The following SNRNP35 variants were observed in gnomAD, a reference collection of about 807,000 sequenced individuals.
SNRNP35 encodes U11/U12 small nuclear ribonucleoprotein 35 kDa protein.
In SNRNP35, 16 loss-of-function variants were observed where a neutral mutation model predicts 24.3. The ratio of observed to expected loss-of-function variants is 0.66; its 90% confidence interval spans 0.45 to 1.00. The LOEUF (loss-of-function observed/expected upper bound fraction) is 1.00. Ranked by LOEUF, SNRNP35 falls within the 50% of genes least tolerant of loss-of-function variation. The pLI, the probability that SNRNP35 is intolerant of heterozygous loss-of-function variation, is 0.00. For synonymous variants in SNRNP35, 106 were observed against 124.8 expected, an observed-to-expected ratio of 0.85 and a Z score of 1.00; for missense variants, 292 against 327.2, an observed-to-expected ratio of 0.89 and a Z score of 0.83.
chr12:123,463,675 C>T (rs1188555687), intron 1 of SNRNP35, among the ~76,000 whole-genome samples: 2 of 152,098 alleles, frequency 1.3e-5, no homozygotes, highest in Non-Finnish European at 2.9e-5. Context: ...GCTGAGATTA[C>T]AGGCGTGAGC....
chr12:123,463,084 A>C (rs1390494759), intron 1 of SNRNP35, among the ~76,000 whole-genome samples: 1 of 152,148 alleles, frequency 6.6e-6, no homozygotes, highest in Non-Finnish European at 1.5e-5. Flanking sequence ...GTTTTGAGAC[A>C]GGGTCTCACT....
exon 2 of SNRNP35, chr12:123,472,709 A>G: frequency 1.9e-6 from 3 of 1,584,420 alleles, no homozygotes; most frequent in Non-Finnish European, 2.6e-6. Flanking sequence ...AAACACAGAA[A>G]TGAGAGCTGA....
Position 123,466,547 on chromosome 12 carries a change from C to A in SNRNP35, c.*266C>A. ...TCTGTACAGAAGGGCATTTTCTTTT[C>A]TTTTCTTTTTTTTTTTTTTGAGACA... On this transcript the variant is annotated 3_prime_UTR_variant, in exon 2 of 2. Coordinates refer to ENST00000526639, the MANE Select transcript of SNRNP35 (RefSeq NM_022717.4). 3.5e-6 allele frequency: 1 copy of A among 288,330 alleles called. No homozygotes were observed. 17.9% of individuals were successfully genotyped at this position (288,330 alleles called of 1,614,324 possible).
At chr12:123,468,715 A>G (rs959552528), downstream of SNRNP35, among the ~76,000 whole-genome samples, 5 of 152,054 alleles carry the variant, frequency 3.3e-5, no homozygotes, top group African/African-American at 1.2e-4. Context: ...AAACTTGCAC[A>G]CTCAGACTCC....
exon 2 of SNRNP35, chr12:123,472,999 G>A: frequency 3.8e-6 from 1 of 264,724 alleles, no homozygotes; most frequent in Non-Finnish European, 7.4e-6. Flanking sequence ...AAAAGCTGCT[G>A]AAACAAATCT....
At chr12:123,467,881 T>G (rs77462061), downstream of SNRNP35, among the ~76,000 whole-genome samples, 3,750 of 152,266 alleles carry the variant, frequency 0.025, 170 homozygotes, top group African/African-American at 0.086. Context: ...CACATTTAAT[T>G]TACAAAGTGT....
At chr12:123,470,488 A>T (rs2139296037), downstream of SNRNP35, 2 of 155,840 alleles carry the variant, frequency 1.3e-5, no homozygotes, top group Admixed American at 1.3e-4. Context: ...AAAAAAAAAA[A>T]AAAAAGGCCA....
At position 123,465,181 on chromosome 12, in the gene SNRNP35, A is replaced by G. The variant is rs554899839; in HGVS notation, c.-3-357A>G. 7.9e-5 allele frequency among the ~76,000 whole-genome samples: 12 copies of G among 152,340 alleles called. No homozygotes were observed. The highest frequency in any genetic ancestry group is 2.6e-4 in the African/African-American group (11 of 41,566). On this transcript the variant is annotated intron_variant, in intron 1 of 1. Coordinates refer to ENST00000526639, the MANE Select transcript of SNRNP35 (RefSeq NM_022717.4). This position sits in a 1 kb window ranked among gnomAD's most constrained non-coding sequence, Gnocchi z 4.2. Reference sequence around the variant, plus strand: ...CTATGATCATTTTAAAGGTTCTGAAAGAGAAGTCTGGTTTTGATCCACGTT... The same window carrying G: ...CTATGATCATTTTAAAGGTTCTGAAGGAGAAGTCTGGTTTTGATCCACGTT...
Position 123,465,615 on chromosome 12 carries a change from C to A in SNRNP35, c.75C>A (p.Asp25Glu). ...KAGSIDGTDE[D>E]PHDRAVWRAM... ...GCAGCATTGATGGCACCGATGAAGA[C>A]CCACACGACCGCGCGGTCTGGAGGG... Residue 25 changes from aspartate (D) to glutamate (E), a missense_variant, in exon 2 of 2, where the codon GAC becomes GAA. Asp to Glu is a conservative substitution (Grantham distance 45, BLOSUM62 2). Coordinates refer to ENST00000526639, the MANE Select transcript of SNRNP35 (RefSeq NM_022717.4). The surrounding 1 kb of genome is among the most constrained non-coding windows in gnomAD (Gnocchi z 4.2). 6.2e-7 allele frequency: 1 copy of A among 1,609,246 alleles called. No individual in the cohort carries two copies. Among genetic ancestry groups the A allele is most frequent in the East Asian group, 2.2e-5 (1 of 44,858 alleles).
chr12:123,470,473 CAAAAA>C (rs57574691), downstream of SNRNP35: 449 of 86,158 alleles, frequency 5.2e-3, 2 homozygotes, highest in Middle Eastern at 0.041. Flanking sequence ...ACCCTGTGTC[CAAAAA>C]AAAAAAAAAA....
At chr12:123,469,659 AT>A (rs879744772), downstream of SNRNP35, among the ~76,000 whole-genome samples, 1 of 151,568 alleles carries the variant, frequency 6.6e-6, no homozygotes, top group African/African-American at 2.4e-5. Flanking sequence ...ACACCCACCT[AT>A]TTTTTTATTT....
intron 1 of SNRNP35, chr12:123,459,180 C>T (rs959833216): frequency 1.4e-4 from 22 of 152,670 alleles, no homozygotes; most frequent in African/African-American, 4.3e-4. Context: ...TCAAGCGATC[C>T]TCCAGCCTCG....
intron 1 of SNRNP35, among the ~76,000 whole-genome samples, chr12:123,463,035 A>G (rs1880720984): frequency 6.6e-6 from 1 of 152,132 alleles, no homozygotes; most frequent in Admixed American, 6.6e-5. Flanking sequence ...GAACTACTGT[A>G]TATATTTCAC....
In SNRNP35 at chr12:123,465,390, G is replaced by A; in HGVS notation, c.-3-148G>A. 1 of 925,002 alleles carries A rather than the reference G, an allele frequency of 1.1e-6. No homozygotes were observed. Among genetic ancestry groups the A allele is most frequent in the Middle Eastern group, 3.5e-4 (1 of 2,840 alleles). The allele number at this position is 925,002 out of a possible 1,614,324, so 57.3% of individuals were successfully genotyped here. On this transcript the variant is annotated intron_variant, in intron 1 of 1. Coordinates refer to ENST00000526639, the MANE Select transcript of SNRNP35 (RefSeq NM_022717.4). This position sits in a 1 kb window ranked among gnomAD's most constrained non-coding sequence, Gnocchi z 4.2. ...GTGCTGTCTCCCCCACTTACTAGCA[G>A]GGAGGACTTAGCCTCTGTGGGTGTT...
intron 1 of SNRNP35, among the ~76,000 whole-genome samples, chr12:123,462,246 G>C (rs139778586): frequency 1.6e-4 from 25 of 152,262 alleles, no homozygotes; most frequent in African/African-American, 5.5e-4. Context: ...GTGGATATGA[G>C]GGAGATAGAC....
downstream of SNRNP35, chr12:123,466,991 A>G (rs1466557750): frequency 6.6e-6 from 1 of 152,136 alleles, no homozygotes; most frequent in Non-Finnish European, 1.5e-5. Flanking sequence ...TAGGAATTTG[A>G]TTTTCTTCCA....
chr12:123,467,135 C>T (rs911335034), downstream of SNRNP35, among the ~76,000 whole-genome samples: 1 of 152,052 alleles, frequency 6.6e-6, no homozygotes, highest in Non-Finnish European at 1.5e-5. Context: ...TATCCATAGC[C>T]CAAGAGTTTG....
chr12:123,460,005 C>T, intron 1 of SNRNP35: 1 of 769,934 alleles, frequency 1.3e-6, no homozygotes, highest in South Asian at 1.5e-5. Context: ...AAGTTTTGAA[C>T]AGGAGCTCTG....
At chr12:123,472,335 C>T in exon 2 of SNRNP35, 1 of 566,552 alleles carries the variant, frequency 1.8e-6, no homozygotes, top group Middle Eastern at 4.8e-4. Flanking sequence ...ACAGTGATAG[C>T]CCTGGGTATA....
Sources: gnomAD v4.1 joint callset for allele counts (sites outside exome capture counted in the v4.1 genomes callset) on GRCh38, gnomAD v4.1.1 for gene constraint, Gnocchi (gnomAD v3.1) non-coding constraint, MANE v1.5 for transcripts, NCBI Gene and HGNC (gene_info 2026-07-23, HGNC 2026-07-21) for gene names.